The following ATP8B4 variants were observed in gnomAD, a reference collection of about 807,000 sequenced individuals.
The protein encoded by ATP8B4 is probable phospholipid-transporting ATPase IM.
In ATP8B4, 133 loss-of-function variants were observed where a neutral mutation model predicts 145.6. The ratio of observed to expected loss-of-function variants is 0.91; its 90% CI spans 0.79 to 1.05. The LOEUF is 1.05. Ranked by LOEUF, ATP8B4 falls within the 50% of genes least tolerant of loss-of-function variation. The pLI is 0.00. For missense variants in ATP8B4, 1,458 were observed against 1,425.2 expected, an observed-to-expected ratio of 1.02 and a Z score of -0.37; for synonymous variants, 507 against 492.9, an observed-to-expected ratio of 1.03 and a Z score of -0.38.
intron 14 of ATP8B4, among the ~76,000 whole-genome samples, chr15:49,944,305 CTATA>C (rs1470294108): frequency 6.6e-6 from 1 of 152,122 alleles, no homozygotes; most frequent in Non-Finnish European, 1.5e-5. Context: ...CATCACCCAA[CTATA>C]TGCTGCCTGC....
At chr15:49,930,917 C>T (rs1256046205) in intron 16 of ATP8B4, among the ~76,000 whole-genome samples, 1 of 151,832 alleles carries the variant, frequency 6.6e-6, no homozygotes, top group East Asian at 1.9e-4. Flanking sequence ...TAGAACAGTG[C>T]TGGGCACATA....
intron 1 of ATP8B4, among the ~76,000 whole-genome samples, chr15:50,118,127 T>G (rs1486028118): frequency 6.6e-6 from 1 of 152,134 alleles, no homozygotes; most frequent in Non-Finnish European, 1.5e-5. Flanking sequence ...AATTTATTTT[T>G]TATTTATAAT....
At chr15:49,888,415 A>G (rs2036447862) in intron 23 of ATP8B4, among the ~76,000 whole-genome samples, 1 of 146,638 alleles carries the variant, frequency 6.8e-6, no homozygotes, top group Admixed American at 6.8e-5. Flanking sequence ...CTTCCATATC[A>G]CAGTAGAATT....
chr15:49,920,162 G>A (rs2040124763), intron 18 of ATP8B4, 84 bp downstream of exon 18: 2 of 1,491,866 alleles, frequency 1.3e-6, no homozygotes, highest in Admixed American at 1.9e-5. Flanking sequence ...AGATGACTTA[G>A]CCAATGGCTT....
chr15:50,023,779 C>CAAAAA (rs60030651), intron 6 of ATP8B4, among the ~76,000 whole-genome samples: 2 of 75,052 alleles, frequency 2.7e-5, no homozygotes, highest in African/African-American at 5.4e-5. Context: ...AGACCAAAGG[C>CAAAAA]AAAAAAAAAA....
intron 3 of ATP8B4, among the ~76,000 whole-genome samples, chr15:50,051,252 G>C (rs564752526): frequency 1.7e-4 from 26 of 152,266 alleles, no homozygotes; most frequent in African/African-American, 6.3e-4. Flanking sequence ...GAAGAAGGAC[G>C]TGTTTGCTTC....
At chr15:50,128,155 G>T (rs571247401) in intron 1 of ATP8B4, among the ~76,000 whole-genome samples, 56 of 152,318 alleles carry the variant, frequency 3.7e-4, no homozygotes, top group Non-Finnish European at 2.9e-5. Flanking sequence ...GAACACTTAT[G>T]GAGTTAAGTC....
chr15:49,922,925 G>C (rs969491294), intron 17 of ATP8B4, among the ~76,000 whole-genome samples: 2 of 152,200 alleles, frequency 1.3e-5, no homozygotes, highest in African/African-American at 4.8e-5. Context: ...GTGTGCACCA[G>C]AGACTATTTT....
At chr15:49,874,051 C>T (rs1295516164) in intron 25 of ATP8B4, among the ~76,000 whole-genome samples, 1 of 152,198 alleles carries the variant, frequency 6.6e-6, no homozygotes, top group Non-Finnish European at 1.5e-5. Flanking sequence ...CTCAACATCT[C>T]CCTCATTTAT....
chr15:50,083,710 G>A (rs2054707815), intron 2 of ATP8B4, among the ~76,000 whole-genome samples: 1 of 152,196 alleles, frequency 6.6e-6, no homozygotes, highest in African/African-American at 2.4e-5. Context: ...GATGCATGAA[G>A]CTATAAACTG....
chr15:49,891,539 T>G (rs1027428778), intron 23 of ATP8B4, among the ~76,000 whole-genome samples: 2 of 152,180 alleles, frequency 1.3e-5, no homozygotes, highest in African/African-American at 2.4e-5. Context: ...TTGGCCAGGC[T>G]GGTCTCAAAC....
chr15:49,962,073 A>G, intron 13 of ATP8B4, 53 bp from the exon 14 acceptor site: 2 of 1,389,314 alleles, frequency 1.4e-6, no homozygotes, highest in East Asian at 2.3e-5. Flanking sequence ...AATTAGAATT[A>G]GACATTTAGT....
At position 50,107,003 on chromosome 15, in the gene ATP8B4, G is replaced by A. The variant is rs148895992; in HGVS notation, c.-37C>T. 2,753 of 1,539,722 alleles carry A rather than the reference G, an allele frequency of 1.8e-3. 11 individuals carry two copies. The highest frequency in any genetic ancestry group is 4.4e-3 in the South Asian group (331 of 75,710). On this transcript the variant is annotated 5_prime_UTR_variant, in exon 2 of 28. Coordinates refer to ENST00000284509, the MANE Select transcript of ATP8B4 (RefSeq NM_024837.4). Reference sequence around the variant, plus strand: ...ATCTTTCACCAGGTCTCAACAGGTGGCCTACCTAAGAAAAAGAAGTATGCA... The same window carrying A: ...ATCTTTCACCAGGTCTCAACAGGTGACCTACCTAAGAAAAAGAAGTATGCA...
At chr15:49,861,422 G>GTGTGTCTGTC (rs1555390912) in intron 27 of ATP8B4, among the ~76,000 whole-genome samples, 5 of 148,266 alleles carry the variant, frequency 3.4e-5, no homozygotes, top group African/African-American at 1.3e-4. Context: ...GTGTGTGTGT[G>GTGTGTCTGTC]TGTCTGTCTG....
At chr15:50,014,194 T>C (rs1386944353) in intron 6 of ATP8B4, among the ~76,000 whole-genome samples, 2 of 152,134 alleles carry the variant, frequency 1.3e-5, no homozygotes, top group East Asian at 3.9e-4. Flanking sequence ...AGAGAGTAGA[T>C]AATAAAGGTC....
rs183088462 is a variant in ATP8B4 at position 50,154,513 on chromosome 15, T to C, written c.-43+27748A>G. Among the ~76,000 whole-genome samples, 15 of 152,232 alleles carry C rather than the reference T, an allele frequency of 9.9e-5. No individual in the cohort carries two copies. In the East Asian group the frequency reaches 2.5e-3, roughly 25 times the overall value. ...TACTAATCAGCAATTTAACTAGGAG[T>C]AACCTTTTTACCAAGCAATTATCAA... On this transcript the variant is annotated intron_variant, in intron 1 of 3. Transcript: ENST00000558829.
intron 16 of ATP8B4, among the ~76,000 whole-genome samples, 194 bp downstream of exon 16, chr15:49,930,925 A>C (rs1176756079): frequency 6.6e-6 from 1 of 152,050 alleles, no homozygotes; most frequent in Non-Finnish European, 1.5e-5. Flanking sequence ...TGCTGGGCAC[A>C]TAATGAGCAC....
At chr15:50,114,880 TC>T (rs960114838) in intron 1 of ATP8B4, among the ~76,000 whole-genome samples, 1 of 152,224 alleles carries the variant, frequency 6.6e-6, no homozygotes, top group African/African-American at 2.4e-5. Context: ...AACCATGTCC[TC>T]CCTCTACTGA....
intron 23 of ATP8B4, among the ~76,000 whole-genome samples, chr15:49,891,374 G>A (rs1245133626): frequency 6.6e-6 from 1 of 151,992 alleles, no homozygotes; most frequent in Admixed American, 6.6e-5. Context: ...CACCCAGGCT[G>A]GAATGCAGTG....
Sources: gnomAD v4.1 joint callset for allele counts (sites outside exome capture counted in the v4.1 genomes callset) on GRCh38, gnomAD v4.1.1 for gene constraint, MANE v1.5 for transcripts, NCBI Gene and HGNC (gene_info 2026-07-23, HGNC 2026-07-21) for gene names.